The following BICRAL variants were observed in gnomAD, a reference collection of about 807,000 sequenced individuals.
BICRAL encodes the protein BICRA like chromatin remodeling complex associated protein, also known as BRD4-interacting chromatin-remodeling complex-associated protein-like.
Under a neutral mutation model 91.8 loss-of-function variants are expected in BICRAL, and 8 were observed. That is an observed-to-expected ratio of 0.09 (90% CI 0.05 to 0.16). BICRAL has a LOEUF of 0.16. Ranked by LOEUF, BICRAL falls within the 10% of genes least tolerant of loss-of-function variation. BICRAL has a pLI of 1.00. For synonymous variants in BICRAL, 445 were observed against 491.1 expected, an observed-to-expected ratio of 0.91 and a Z score of 1.24; for missense variants, 1,038 against 1,310.9, an observed-to-expected ratio of 0.79 and a Z score of 3.21.
intron 1 of BICRAL, among the ~76,000 whole-genome samples, chr6:42,761,939 C>A (rs1762557204): frequency 6.6e-6 from 1 of 152,002 alleles, no homozygotes; most frequent in Non-Finnish European, 1.5e-5. Flanking sequence ...ATACGTACTT[C>A]TTTCAGGATT....
At chr6:42,789,805 T>C (rs1763215321) in intron 1 of BICRAL, among the ~76,000 whole-genome samples, 2 of 152,188 alleles carry the variant, frequency 1.3e-5, no homozygotes, top group Non-Finnish European at 2.9e-5. Context: ...ATAAGTCACC[T>C]ATAGACGTAG....
intron 10 of BICRAL, among the ~76,000 whole-genome samples, chr6:42,859,187 G>A (rs1045154591): frequency 3.0e-4 from 46 of 152,122 alleles, no homozygotes; most frequent in African/African-American, 1.1e-3. Context: ...TCAGGAGTTC[G>A]AGACCATCCT....
intron 1 of BICRAL, among the ~76,000 whole-genome samples, chr6:42,772,556 C>G (rs981758810): frequency 6.6e-6 from 1 of 152,134 alleles, no homozygotes; most frequent in African/African-American, 2.4e-5. Context: ...AGCCAATTAC[C>G]GAGCCACTTG....
At chr6:42,856,140 C>A (rs762043170) in intron 9 of BICRAL, among the ~76,000 whole-genome samples, 55 of 151,678 alleles carry the variant, frequency 3.6e-4, no homozygotes, top group Non-Finnish European at 5.9e-4. Flanking sequence ...CCAGCCTGGG[C>A]AACATGGCTC....
At chr6:42,803,876 C>A (rs932145146) in intron 1 of BICRAL, among the ~76,000 whole-genome samples, 6 of 152,270 alleles carry the variant, frequency 3.9e-5, no homozygotes, top group Admixed American at 2.0e-4. Context: ...CCTATTGTTC[C>A]CAGGCACAAG....
intron 1 of BICRAL, among the ~76,000 whole-genome samples, chr6:42,789,526 C>T (rs561393544): frequency 1.3e-5 from 2 of 151,840 alleles, no homozygotes; most frequent in South Asian, 4.2e-4. Flanking sequence ...CCTGTAATCC[C>T]AGCTACTCAG....
intron 1 of BICRAL, among the ~76,000 whole-genome samples, chr6:42,773,290 G>A (rs907524213): frequency 5.3e-5 from 8 of 151,752 alleles, no homozygotes; most frequent in Non-Finnish European, 4.4e-5. Flanking sequence ...TTTGGCCAGG[G>A]TGGTCTTGAA....
chr6:42,826,231 C>CTTTTTT (rs763034286), intron 5 of BICRAL, among the ~76,000 whole-genome samples: 1 of 116,890 alleles, frequency 8.6e-6, no homozygotes, highest in African/African-American at 3.0e-5. Flanking sequence ...AACTCATGTT[C>CTTTTTT]TTTTTTTTTT....
At position 42,806,396 on chromosome 6, in the gene BICRAL, C is replaced by T. The variant is rs143181541; in HGVS notation, c.-101-3910C>T. Among the ~76,000 whole-genome samples the T allele has an allele frequency of 8.4e-4, 128 of 152,248 alleles. 1 individual carries two copies. Among genetic ancestry groups the T allele is most frequent in the African/African-American group, 2.8e-3 (116 of 41,556 alleles). On this transcript the variant is annotated intron_variant, in intron 1 of 12. Coordinates refer to ENST00000314073, the MANE Select transcript of BICRAL (RefSeq NM_001393499.1). The stretch of plus-strand genomic sequence containing the variant: ...TTGAAACAGAGTCTTACTCTGTTGT[C>T]GAGGGCAGTGGTGCAGCGATAGCTC...
intron 6 of BICRAL, among the ~76,000 whole-genome samples, chr6:42,833,109 G>T (rs1764541753): frequency 6.6e-6 from 1 of 150,446 alleles, no homozygotes; most frequent in Non-Finnish European, 1.5e-5. Context: ...AGGCTGGAGT[G>T]CAGTAGCCCG....
chr6:42,800,858 A>G (rs1339196028), intron 1 of BICRAL, among the ~76,000 whole-genome samples: 2 of 152,208 alleles, frequency 1.3e-5, no homozygotes, highest in Non-Finnish European at 2.9e-5. Context: ...GGAACATGCT[A>G]TAAAACCAAA....
At chr6:42,845,248 T>TTTTTTTA (rs761742281) in intron 6 of BICRAL, among the ~76,000 whole-genome samples, 2 of 105,456 alleles carry the variant, frequency 1.9e-5, no homozygotes, top group Non-Finnish European at 3.7e-5. Context: ...TTTTTTTTTT[T>TTTTTTTA]AGACAGAGTT....
chr6:42,766,560 A>G (rs1339854832), intron 1 of BICRAL, among the ~76,000 whole-genome samples: 1 of 152,182 alleles, frequency 6.6e-6, no homozygotes, highest in African/African-American at 2.4e-5. Context: ...AAAGAGAAAG[A>G]GGCCTGGCAC....
intron 1 of BICRAL, among the ~76,000 whole-genome samples, chr6:42,750,053 C>T (rs1012095579): frequency 4.0e-5 from 6 of 151,750 alleles, no homozygotes; most frequent in African/African-American, 1.2e-4. Context: ...TTAGTAGAGG[C>T]GGGGTTTCAC....
chr6:42,822,131 A>G, intron 3 of BICRAL, 68 bp downstream of exon 3: 2 of 894,530 alleles, frequency 2.2e-6, no homozygotes, highest in African/African-American at 1.6e-5. Flanking sequence ...AAGACAACCT[A>G]ATAGCATATA....
chr6:42,842,204 T>C (rs1764818160), intron 6 of BICRAL, among the ~76,000 whole-genome samples: 1 of 152,156 alleles, frequency 6.6e-6, no homozygotes, highest in Non-Finnish European at 1.5e-5. Context: ...GCTTTAGGCA[T>C]CAGCATTTTT....
chr6:42,849,440 G>T (rs2114008536), intron 6 of BICRAL, among the ~76,000 whole-genome samples: 1 of 140,980 alleles, frequency 7.1e-6, no homozygotes, highest in East Asian at 2.3e-4. Flanking sequence ...GTTTAGAACA[G>T]ATTTTTTTTT....
intron 1 of BICRAL, among the ~76,000 whole-genome samples, chr6:42,787,721 A>G (rs1221362553): frequency 6.6e-6 from 1 of 152,180 alleles, no homozygotes; most frequent in Non-Finnish European, 1.5e-5. Flanking sequence ...ATTTGACAAC[A>G]TGATGGTGAC....
At chr6:42,776,575 T>C (rs1762811213) in intron 1 of BICRAL, among the ~76,000 whole-genome samples, 1 of 151,752 alleles carries the variant, frequency 6.6e-6, no homozygotes, top group South Asian at 2.1e-4. Flanking sequence ...CTCAAACTCC[T>C]GGGCTCAAGC....
Sources: allele counts gnomAD v4.1 joint callset (sites outside exome capture counted in the v4.1 genomes callset), GRCh38; gene constraint gnomAD v4.1.1; transcripts MANE v1.5; gene names NCBI Gene and HGNC (gene_info 2026-07-23, HGNC 2026-07-21).